CNTN6: variants seen among roughly 807,000 people sequenced by gnomAD.
The protein encoded by CNTN6 is contactin 6, also known as contactin-6.
A neutral mutation model predicts 122.8 loss-of-function variants in CNTN6; 137 were observed. That is an observed-to-expected ratio of 1.12 (90% CI 0.97 to 1.29). The LOEUF is 1.29. Ranked by LOEUF, CNTN6 falls within the 50% of genes most tolerant of loss-of-function variation. The probability of loss-of-function intolerance (pLI) is 0.00; values close to 1 mark genes in which losing one functional copy is unlikely to be tolerated. For synonymous variants in CNTN6, 570 were observed against 426.0 expected, an observed-to-expected ratio of 1.34 and a Z score of -4.16; for missense variants, 1,634 against 1,223.4, an observed-to-expected ratio of 1.34 and a Z score of -5.01.
At chr3:1,172,620 CTGTGTGTG>C (rs3836248) in intron 2 of CNTN6, among the ~76,000 whole-genome samples, 14,504 of 150,256 alleles carry the variant, frequency 0.097, 833 homozygotes, top group Middle Eastern at 0.17. Flanking sequence ...CAATAACTCT[CTGTGTGTG>C]TGTGTGTGTG....
intron 4 of CNTN6, among the ~76,000 whole-genome samples, chr3:1,238,507 T>C (rs568383966): frequency 6.6e-6 from 1 of 152,156 alleles, no homozygotes; most frequent in South Asian, 2.1e-4. Flanking sequence ...ACTTTAACAC[T>C]CCACTGACAG....
At chr3:1,094,168 C>G (rs2090392938) in intron 1 of CNTN6, among the ~76,000 whole-genome samples, 1 of 152,158 alleles carries the variant, frequency 6.6e-6, no homozygotes. Context: ...TTTCATTTAT[C>G]TGATGGGTTT....
intron 1 of CNTN6, among the ~76,000 whole-genome samples, chr3:1,118,812 C>T (rs936042379): frequency 6.6e-6 from 1 of 152,134 alleles, no homozygotes; most frequent in Non-Finnish European, 1.5e-5. Flanking sequence ...TTCTGCCAGA[C>T]TGAAGACCTT....
intron 11 of CNTN6, among the ~76,000 whole-genome samples, chr3:1,340,450 G>A (rs1184931474): frequency 1.3e-5 from 2 of 152,210 alleles, no homozygotes; most frequent in South Asian, 2.1e-4. Context: ...GCACAGCATC[G>A]TGAATACACA....
At chr3:1,213,202 G>C (rs900980981) in intron 2 of CNTN6, among the ~76,000 whole-genome samples, 1 of 152,170 alleles carries the variant, frequency 6.6e-6, no homozygotes, top group Non-Finnish European at 1.5e-5. Flanking sequence ...TGGACTACAT[G>C]AAGTTTAAAC....
chr3:1,321,572 TTGTA>T, intron 7 of CNTN6, 74 bp from the exon 8 acceptor site: 1 of 1,279,656 alleles, frequency 7.8e-7, no homozygotes, highest in East Asian at 2.4e-5. Flanking sequence ...TGAGAGTTAT[TTGTA>T]TGGATGCTCT....
chr3:1,110,258 A>C (rs1196265133), intron 1 of CNTN6, among the ~76,000 whole-genome samples: 6 of 151,882 alleles, frequency 4.0e-5, no homozygotes, highest in Admixed American at 1.3e-4. Context: ...CAATCTTATT[A>C]AAAGATTGAC....
Position 1,387,957 on chromosome 3 carries a change from A to T in CNTN6, c.2704+2160A>T, listed in dbSNP as rs555915591. 4.6e-5 allele frequency among the ~76,000 whole-genome samples: 7 copies of T among 152,242 alleles called. No individual in the cohort carries two copies. The East Asian group carries it at 1.4e-3, about 30-fold the overall frequency. On this transcript the variant is annotated intron_variant, in intron 20 of 22. Transcript: ENST00000446702. The stretch of plus-strand genomic sequence containing the variant: ...TTGCTAGCACAGCAGTCTGAGATCA[A>T]ACTGCAAGGCGGCAGCGAGGCTGGG...
chr3:1,401,913 A>C (rs1452010588), intron 21 of CNTN6, among the ~76,000 whole-genome samples: 2 of 152,038 alleles, frequency 1.3e-5, no homozygotes, highest in Non-Finnish European at 2.9e-5. Flanking sequence ...TGATCTTTTA[A>C]CAACATAAAA....
chr3:1,233,506 CG>C (rs772062132), intron 4 of CNTN6, among the ~76,000 whole-genome samples: 4 of 151,914 alleles, frequency 2.6e-5, no homozygotes, highest in African/African-American at 4.8e-5. Flanking sequence ...GAGGCCGAGG[CG>C]GGCGGATCAC....
At chr3:1,292,447 C>G (rs1169489456) in intron 5 of CNTN6, among the ~76,000 whole-genome samples, 1 of 152,074 alleles carries the variant, frequency 6.6e-6, no homozygotes, top group African/African-American at 2.4e-5. Flanking sequence ...ATATTTCAGT[C>G]AATTGCATGC....
At chr3:1,400,473 A>G (rs965471253) in intron 20 of CNTN6, among the ~76,000 whole-genome samples, 3 of 146,318 alleles carry the variant, frequency 2.1e-5, no homozygotes, top group East Asian at 1.9e-4. Context: ...ATCTCCCACC[A>G]TCTCTCACGC....
At chr3:1,205,379 T>A (rs1207413744) in intron 2 of CNTN6, among the ~76,000 whole-genome samples, 1 of 152,204 alleles carries the variant, frequency 6.6e-6, no homozygotes, top group Non-Finnish European at 1.5e-5. Flanking sequence ...AATGGTGTTC[T>A]GGCAAAATAG....
chr3:1,276,930 C>T (rs1000636821), intron 4 of CNTN6, among the ~76,000 whole-genome samples: 1 of 152,160 alleles, frequency 6.6e-6, no homozygotes, highest in African/African-American at 2.4e-5. Flanking sequence ...TTCAAGACCT[C>T]CCATATCATT....
chr3:1,178,938 T>G (rs1399347371), intron 2 of CNTN6, among the ~76,000 whole-genome samples: 1 of 152,146 alleles, frequency 6.6e-6, no homozygotes, highest in African/African-American at 2.4e-5. Flanking sequence ...TGCATTCCTA[T>G]GTAAAAGGAA....
At chr3:1,266,836 C>T (rs1049757668) in intron 4 of CNTN6, among the ~76,000 whole-genome samples, 6 of 151,942 alleles carry the variant, frequency 3.9e-5, no homozygotes, top group Non-Finnish European at 8.8e-5. Context: ...AATTTGCCAC[C>T]AAAACCAACA....
intron 4 of CNTN6, among the ~76,000 whole-genome samples, chr3:1,253,226 G>C (rs1413276583): frequency 6.6e-6 from 1 of 152,128 alleles, no homozygotes; most frequent in Non-Finnish European, 1.5e-5. Flanking sequence ...GCCCAGCATT[G>C]TGACACCATG....
chr3:1,132,519 G>A (rs898098381), intron 1 of CNTN6, among the ~76,000 whole-genome samples: 17 of 151,978 alleles, frequency 1.1e-4, no homozygotes, highest in Middle Eastern at 3.4e-3. Context: ...GAGACAAGGA[G>A]TTTGAGAATA....
chr3:1,138,798 G>C lies in CNTN6; in HGVS notation c.-82-9129G>C, dbSNP rs372982734. ...AGAAGCAAAAACACTGAAAAAATCTGCTGCTTGCCATTTTACTTACATATA... is the reference window on the plus strand; with the variant it reads ...AGAAGCAAAAACACTGAAAAAATCTCCTGCTTGCCATTTTACTTACATATA... On this transcript the variant is annotated intron_variant, in intron 1 of 22. Coordinates refer to ENST00000446702, the MANE Select transcript of CNTN6 (RefSeq NM_001289080.2). 4.6e-5 allele frequency among the ~76,000 whole-genome samples: 7 copies of C among 151,682 alleles called. No individual in the cohort carries two copies. In the East Asian group the frequency reaches 1.4e-3, roughly 29 times the overall value.
Sources: allele counts gnomAD v4.1 joint callset (sites outside exome capture counted in the v4.1 genomes callset), GRCh38; gene constraint gnomAD v4.1.1; transcripts MANE v1.5; gene names NCBI Gene and HGNC (gene_info 2026-07-23, HGNC 2026-07-21).